The following GRID2 variants were observed in gnomAD, a reference collection of about 807,000 sequenced individuals.
The protein encoded by GRID2 is glutamate receptor ionotropic, delta-2.
A neutral mutation model predicts 114.8 loss-of-function variants in GRID2; 33 were observed. That is an observed-to-expected ratio of 0.29 (90% CI 0.22 to 0.38). The LOEUF (loss-of-function observed/expected upper bound fraction) is 0.38. GRID2 is among the 10% of genes least tolerant of loss of function. The pLI is 1.00. For synonymous variants in GRID2, 505 were observed against 449.9 expected, an observed-to-expected ratio of 1.12 and a Z score of -1.55; for missense variants, 1,184 against 1,257.7, an observed-to-expected ratio of 0.94 and a Z score of 0.89.
At chr4:93,187,119 C>T (rs1024961201) in intron 4 of GRID2, among the ~76,000 whole-genome samples, 25 of 152,138 alleles carry the variant, frequency 1.6e-4, no homozygotes, top group Non-Finnish European at 3.2e-4. Context: ...TCCCAAAAGC[C>T]CCACCTTCTC....
At chr4:92,762,474 C>T (rs1272144895) in intron 2 of GRID2, among the ~76,000 whole-genome samples, 2 of 150,914 alleles carry the variant, frequency 1.3e-5, no homozygotes, top group Non-Finnish European at 2.9e-5. Flanking sequence ...TTTATTGTAT[C>T]TTTTTATCTG....
At chr4:93,343,638 C>A (rs1759887604) in intron 8 of GRID2, among the ~76,000 whole-genome samples, 1 of 151,776 alleles carries the variant, frequency 6.6e-6, no homozygotes, top group Admixed American at 6.6e-5. Flanking sequence ...ATTTATCTTT[C>A]TGATGTCATT....
chr4:93,253,880 C>T (rs1453243342), intron 8 of GRID2, among the ~76,000 whole-genome samples: 1 of 151,986 alleles, frequency 6.6e-6, no homozygotes, highest in African/African-American at 2.4e-5. Context: ...ATATAGGTTC[C>T]CCGAGTGTTA....
intron 1 of GRID2, among the ~76,000 whole-genome samples, chr4:92,523,047 G>C (rs1198881007): frequency 6.6e-6 from 1 of 151,964 alleles, no homozygotes. Flanking sequence ...AGGGAGAACA[G>C]TTAATAGTTT....
intron 4 of GRID2, among the ~76,000 whole-genome samples, chr4:93,175,559 A>G (rs1503209): frequency 0.58 from 87,574 of 151,948 alleles, 26,469 homozygotes; most frequent in Middle Eastern, 0.73. Flanking sequence ...AGCCCTGTGG[A>G]TTTTCTTTTT....
chr4:93,797,024 T>C (rs1190159037), intron 1 of GRID2, among the ~76,000 whole-genome samples: 2 of 152,222 alleles, frequency 1.3e-5, no homozygotes, highest in African/African-American at 2.4e-5. Flanking sequence ...ACACCTACGA[T>C]GTGAGGTATA....
At chr4:93,173,128 A>G (rs1739009893) in intron 4 of GRID2, among the ~76,000 whole-genome samples, 3 of 152,162 alleles carry the variant, frequency 2.0e-5, no homozygotes. Flanking sequence ...ATTTATATGT[A>G]TAATTAGACT....
At chr4:93,186,949 T>A (rs921864313) in intron 4 of GRID2, among the ~76,000 whole-genome samples, 1 of 152,174 alleles carries the variant, frequency 6.6e-6, no homozygotes, top group Admixed American at 6.6e-5. Flanking sequence ...ACCAACAGAT[T>A]GGGTGTCTGG....
At chr4:92,344,468 G>T (rs1043226675) in intron 1 of GRID2, among the ~76,000 whole-genome samples, 2 of 152,028 alleles carry the variant, frequency 1.3e-5, no homozygotes, top group Non-Finnish European at 2.9e-5. Context: ...GTTATCTTTT[G>T]CTGCAAAATA....
intron 2 of GRID2, among the ~76,000 whole-genome samples, chr4:92,872,349 A>C (rs1008204339): frequency 3.9e-5 from 6 of 152,190 alleles, no homozygotes; most frequent in African/African-American, 1.4e-4. Context: ...ATTTCATCTT[A>C]GAAAAAGGAA....
intron 14 of GRID2, among the ~76,000 whole-genome samples, chr4:93,739,396 C>T (rs1346068895): frequency 1.3e-5 from 2 of 152,082 alleles, no homozygotes; most frequent in African/African-American, 4.8e-5. Flanking sequence ...TGCACCCCCT[C>T]ATCATGCCAC....
chr4:92,314,388 A>C (rs1362092735), intron 1 of GRID2, among the ~76,000 whole-genome samples: 3 of 152,176 alleles, frequency 2.0e-5, no homozygotes, highest in Non-Finnish European at 4.4e-5. Flanking sequence ...TTCTTGTTAT[A>C]ATAGACAAAT....
chr4:92,880,257 T>C (rs1462906755), intron 2 of GRID2, among the ~76,000 whole-genome samples: 1 of 152,216 alleles, frequency 6.6e-6, no homozygotes, highest in South Asian at 2.1e-4. Context: ...CTGCTTGCAC[T>C]TGATTACCTA....
intron 13 of GRID2, among the ~76,000 whole-genome samples, chr4:93,600,154 T>C (rs1319923173): frequency 6.6e-6 from 1 of 152,200 alleles, no homozygotes; most frequent in Non-Finnish European, 1.5e-5. Flanking sequence ...AATGAATCTG[T>C]AGGATTAAAA....
intron 2 of GRID2, among the ~76,000 whole-genome samples, chr4:92,908,179 G>C (rs976428754): frequency 6.6e-6 from 1 of 152,086 alleles, no homozygotes; most frequent in Non-Finnish European, 1.5e-5. Context: ...TTCCTAATCT[G>C]ATTTTGTTAA....
intron 1 of GRID2, among the ~76,000 whole-genome samples, chr4:92,580,964 AT>A (rs199868397): frequency 0.014 from 2,043 of 150,662 alleles, 17 homozygotes; most frequent in Non-Finnish European, 0.021. Context: ...CAAAGTGTCT[AT>A]TGTCAAACCA....
intron 7 of GRID2, among the ~76,000 whole-genome samples, chr4:93,227,792 G>T (rs975711015): frequency 1.3e-5 from 2 of 152,162 alleles, no homozygotes; most frequent in African/African-American, 2.4e-5. Flanking sequence ...CAGGGTGTTT[G>T]TTACTTTACA....
intron 1 of GRID2, among the ~76,000 whole-genome samples, chr4:92,545,753 T>G (rs13149456): frequency 0.22 from 33,321 of 152,150 alleles, 3,938 homozygotes; most frequent in South Asian, 0.3. Flanking sequence ...TTTGATTCAC[T>G]TGGCTGCGAC....
intron 2 of GRID2, among the ~76,000 whole-genome samples, chr4:93,024,779 C>T (rs1197708685): frequency 6.6e-6 from 1 of 151,686 alleles, no homozygotes; most frequent in Non-Finnish European, 1.5e-5. Context: ...TAATGCTCAG[C>T]CTCCCACTTA....
Sources: allele counts gnomAD v4.1 joint callset (sites outside exome capture counted in the v4.1 genomes callset), GRCh38; gene constraint gnomAD v4.1.1; transcripts MANE v1.5; gene names NCBI Gene and HGNC (gene_info 2026-07-23, HGNC 2026-07-21).